The following AGBL4 variants were observed in gnomAD, a reference collection of about 807,000 sequenced individuals.
AGBL4 encodes the protein cytosolic carboxypeptidase 6.
AGBL4 carries 58 observed loss-of-function variants against 66.4 expected under a neutral mutation model. That is an observed-to-expected ratio of 0.87 (90% CI 0.71 to 1.09). The LOEUF (loss-of-function observed/expected upper bound fraction) is 1.09. Ranked by LOEUF, AGBL4 falls within the 50% of genes least tolerant of loss-of-function variation. AGBL4 has a pLI of 0.00. For missense variants in AGBL4, 579 were observed against 631.0 expected, an observed-to-expected ratio of 0.92 and a Z score of 0.88; for synonymous variants, 234 against 222.9, an observed-to-expected ratio of 1.05 and a Z score of -0.44.
At position 49,010,593 on chromosome 1, in the gene AGBL4, C is replaced by G. The variant is rs1303907405; in HGVS notation, c.594+34991G>C. ...CCAAGTCAATCCTAAGCCAAAAGAACAAAGCTGGAGGCATCACACTACCTG... is the reference window on the plus strand; with the variant it reads ...CCAAGTCAATCCTAAGCCAAAAGAAGAAAGCTGGAGGCATCACACTACCTG... On this transcript the variant is annotated intron_variant, in intron 5 of 13. Coordinates refer to ENST00000371839, the MANE Select transcript of AGBL4 (RefSeq NM_032785.4). Among the ~76,000 whole-genome samples the G allele has an allele frequency of 7.3e-5, 10 of 137,240 alleles. No homozygotes were observed. In the East Asian group the frequency reaches 2.0e-3, roughly 28 times the overall value. 90.0% of individuals were successfully genotyped at this position (137,240 alleles called of 152,430 possible). A position where few individuals can be genotyped will look rare whatever the true frequency, so the allele number is the denominator to read the frequency against.
At chr1:49,273,332 A>T (rs1160776404) in intron 3 of AGBL4, among the ~76,000 whole-genome samples, 2 of 151,884 alleles carry the variant, frequency 1.3e-5, no homozygotes, top group Admixed American at 1.3e-4. Context: ...TACTAAATAT[A>T]AAATAGTCTA....
chr1:49,320,176 C>T (rs986975771), intron 3 of AGBL4, among the ~76,000 whole-genome samples: 2 of 152,082 alleles, frequency 1.3e-5, no homozygotes, highest in Non-Finnish European at 2.9e-5. Context: ...AGCAATTCAC[C>T]CACCTCGGCC....
At chr1:49,738,093 C>T (rs1421096662) in intron 2 of AGBL4, among the ~76,000 whole-genome samples, 1 of 152,186 alleles carries the variant, frequency 6.6e-6, no homozygotes, top group Admixed American at 6.5e-5. Context: ...AAGTATGAGC[C>T]GAAGCAGGGC....
chr1:48,752,436 T>C (rs968699683), intron 6 of AGBL4, among the ~76,000 whole-genome samples: 2 of 152,220 alleles, frequency 1.3e-5, no homozygotes, highest in African/African-American at 2.4e-5. Flanking sequence ...GGACAAATTC[T>C]ATAAGCTACA....
At chr1:49,130,569 GA>G (rs1645869426) in intron 4 of AGBL4, among the ~76,000 whole-genome samples, 2 of 151,998 alleles carry the variant, frequency 1.3e-5, no homozygotes. Context: ...ATTAAATAGG[GA>G]ATCCTTTCCC....
intron 3 of AGBL4, among the ~76,000 whole-genome samples, chr1:49,443,919 T>C (rs1292812072): frequency 1.3e-5 from 2 of 151,898 alleles, no homozygotes; most frequent in African/African-American, 4.8e-5. Context: ...AACTTCACTC[T>C]TAGCACTGCT....
At chr1:48,975,345 G>A (rs1351208659) in intron 5 of AGBL4, among the ~76,000 whole-genome samples, 2 of 152,064 alleles carry the variant, frequency 1.3e-5, no homozygotes, top group African/African-American at 4.8e-5. Flanking sequence ...CTGTGCAGTA[G>A]GTCCAGACTA....
At chr1:49,933,822 T>C (rs1442596366) in intron 1 of AGBL4, among the ~76,000 whole-genome samples, 1 of 151,494 alleles carries the variant, frequency 6.6e-6, no homozygotes, top group Admixed American at 6.6e-5. Context: ...TATAAGAACA[T>C]CAGCAAAAAC....
intron 4 of AGBL4, among the ~76,000 whole-genome samples, chr1:49,138,040 C>T (rs1646046606): frequency 6.6e-6 from 1 of 151,918 alleles, no homozygotes; most frequent in Non-Finnish European, 1.5e-5. Context: ...TATTTAAAGA[C>T]ATGAAAGAAT....
At chr1:48,588,911 C>T (rs934053186) in intron 10 of AGBL4, among the ~76,000 whole-genome samples, 6 of 151,668 alleles carry the variant, frequency 4.0e-5, no homozygotes, top group Non-Finnish European at 5.9e-5. Flanking sequence ...TGACTCCCAC[C>T]CTTAAGGAGG....
chr1:48,706,854 G>A (rs898608281), intron 6 of AGBL4, among the ~76,000 whole-genome samples: 3 of 152,210 alleles, frequency 2.0e-5, no homozygotes, highest in African/African-American at 7.2e-5. Flanking sequence ...TATGCTCTGA[G>A]GGTCAGCCTC....
intron 4 of AGBL4, among the ~76,000 whole-genome samples, chr1:49,207,468 C>CTTT (rs879532423): frequency 1.0e-3 from 14 of 13,668 alleles, no homozygotes; most frequent in Non-Finnish European, 1.6e-3. Flanking sequence ...TTCTTTCTTT[C>CTTT]TCTTTCTTTC....
intron 2 of AGBL4, among the ~76,000 whole-genome samples, chr1:49,802,063 T>C (rs1347504385): frequency 4.6e-5 from 7 of 152,182 alleles, no homozygotes; most frequent in Non-Finnish European, 8.8e-5. Context: ...GCCTGCAGGA[T>C]TGTGTAAAGA....
intron 4 of AGBL4, among the ~76,000 whole-genome samples, chr1:49,053,479 C>T (rs564431758): frequency 3.7e-4 from 57 of 152,026 alleles, no homozygotes; most frequent in Non-Finnish European, 5.9e-4. Context: ...GTGCTGTGGC[C>T]CATGTTGTAA....
At chr1:48,596,294 C>G (rs1644993090) in intron 9 of AGBL4, among the ~76,000 whole-genome samples, 2 of 152,092 alleles carry the variant, frequency 1.3e-5, no homozygotes, top group Non-Finnish European at 2.9e-5. Flanking sequence ...TCCTTAGACT[C>G]TCAAAAAGGC....
At chr1:49,919,531 G>C (rs893785869) in intron 1 of AGBL4, among the ~76,000 whole-genome samples, 1 of 152,062 alleles carries the variant, frequency 6.6e-6, no homozygotes, top group African/African-American at 2.4e-5. Context: ...CAACTTACAA[G>C]GGATGTGAAG....
chr1:48,607,600 A>G (rs1206644036), intron 9 of AGBL4, among the ~76,000 whole-genome samples: 1 of 152,130 alleles, frequency 6.6e-6, no homozygotes, highest in Non-Finnish European at 1.5e-5. Context: ...CCTGGGTGAC[A>G]AGTGCAAGAC....
Position 48,538,908 on chromosome 1 carries a change from G to A in AGBL4, c.1364+734C>T, listed in dbSNP as rs1265018342. On this transcript the variant is annotated intron_variant, in intron 12 of 13. Coordinates refer to ENST00000371839, the MANE Select transcript of AGBL4 (RefSeq NM_032785.4). ...AAGTAGGATGGACCACTGAAGGAGT[G>A]GGAGATGAGTCTAAGAGGTAGGGCA... Among the ~76,000 whole-genome samples, 4 of 152,192 alleles carry A rather than the reference G, an allele frequency of 2.6e-5. No homozygotes were observed. The South Asian group carries it at 6.2e-4, about 24-fold the overall frequency.
chr1:48,919,729 C>G (rs992388952), intron 5 of AGBL4, among the ~76,000 whole-genome samples: 77 of 152,256 alleles, frequency 5.1e-4, no homozygotes, highest in African/African-American at 1.6e-3. Flanking sequence ...CAGTAACACC[C>G]CCTCCTCTCA....
Sources: allele counts gnomAD v4.1 joint callset (sites outside exome capture counted in the v4.1 genomes callset), GRCh38; gene constraint gnomAD v4.1.1; transcripts MANE v1.5; gene names NCBI Gene and HGNC (gene_info 2026-07-23, HGNC 2026-07-21).